Variants in CACNA1B observed in about 807,000 individuals in gnomAD.
CACNA1B encodes calcium voltage-gated channel subunit alpha1 B.
A neutral mutation model predicts 247.2 loss-of-function variants in CACNA1B; 70 were observed. The ratio of observed to expected loss-of-function variants is 0.28; its 90% CI spans 0.23 to 0.35. CACNA1B has a LOEUF of 0.35. Among genes scored for constraint, CACNA1B ranks in the 10% least tolerant of loss-of-function variants. The pLI, the probability that CACNA1B is intolerant of heterozygous loss-of-function variation, is 1.00. For missense variants in CACNA1B, 2,367 were observed against 3,197.4 expected, an observed-to-expected ratio of 0.74 and a Z score of 6.26; for synonymous variants, 1,231 against 1,294.4, an observed-to-expected ratio of 0.95 and a Z score of 1.05.
rs752319067 is a variant in CACNA1B at position 138,052,063 on chromosome 9, T to G, written c.3711-29T>G. The G allele has an allele frequency of 7.5e-7, 1 of 1,338,204 alleles. No homozygotes were observed. 82.9% of individuals were successfully genotyped at this position (1,338,204 alleles called of 1,614,324 possible). ...GCTGGGCACACCCATGCCTCCTGCC[T>G]GTCTGCATCTGTGGCTTCTCCCTTC... is the stretch of plus-strand genomic sequence containing the variant. On this transcript the variant is annotated intron_variant, in intron 24 of 46. Transcript: ENST00000371372. The surrounding 1 kb of genome is among the most constrained non-coding windows in gnomAD (Gnocchi z 5.1).
intron 15 of CACNA1B, among the ~76,000 whole-genome samples, chr9:137,987,385 C>T (rs546013163): frequency 6.6e-5 from 10 of 152,304 alleles, no homozygotes; most frequent in Middle Eastern, 3.4e-3. Context: ...GGTTCCCTTT[C>T]GAGGACTTTC....
chr9:137,967,383 C>T (rs1958092273), intron 10 of CACNA1B, among the ~76,000 whole-genome samples: 1 of 152,216 alleles, frequency 6.6e-6, no homozygotes, highest in Admixed American at 6.5e-5. Context: ...TTGACTGTCG[C>T]CCGTCCCTTC....
rs563349803 is a variant in CACNA1B at position 138,016,482 on chromosome 9, T to C, written c.2267+3247T>C. On this transcript the variant is annotated intron_variant, in intron 18 of 46. Coordinates refer to ENST00000371372, the MANE Select transcript of CACNA1B (RefSeq NM_000718.4). ...TTGATTTGCCCTGGAGGTGTCCTGG[T>C]GGCCCAGAGGCGCCTGGGTTGCAGC... 1.6e-3 allele frequency among the ~76,000 whole-genome samples: 237 copies of C among 152,350 alleles called. 1 individual carries two copies. The highest frequency in any genetic ancestry group is 5.0e-3 in the African/African-American group (206 of 41,584).
intron 37 of CACNA1B, among the ~76,000 whole-genome samples, chr9:138,099,122 T>C (rs1961156528): frequency 6.6e-6 from 1 of 152,140 alleles, no homozygotes; most frequent in Admixed American, 6.5e-5. Flanking sequence ...TGTGTGCACA[T>C]GTGTGGTGCA....
intron 36 of CACNA1B, among the ~76,000 whole-genome samples, chr9:138,081,842 G>C (rs898595445): frequency 3.3e-5 from 5 of 151,114 alleles, no homozygotes; most frequent in Middle Eastern, 3.4e-3. Flanking sequence ...GAATAGACCT[G>C]TAACGAGTAA....
At chr9:137,906,214 T>C (rs1266470621) in intron 3 of CACNA1B, among the ~76,000 whole-genome samples, 2 of 152,216 alleles carry the variant, frequency 1.3e-5, no homozygotes, top group East Asian at 3.8e-4. Flanking sequence ...TTATAGCAAC[T>C]CCTCCTTGTT....
rs1957915386 is a variant in CACNA1B, at chr9:137,954,202, C to T, written c.1071-1496C>T. Among the ~76,000 whole-genome samples the T allele has an allele frequency of 6.6e-6, 1 of 152,216 alleles. No homozygotes were observed. Among genetic ancestry groups the T allele is most frequent in the Non-Finnish European group, 1.5e-5 (1 of 68,034 alleles). Reference sequence around the variant, plus strand: ...CCCCAAGCCAGGGGCTGGCACCCCCCATGTGGGTCCTGCACCCCGGGGTGG... The same window carrying T: ...CCCCAAGCCAGGGGCTGGCACCCCCTATGTGGGTCCTGCACCCCGGGGTGG... On this transcript the variant is annotated intron_variant, in intron 7 of 46. Transcript: ENST00000371372. This position sits in a 1 kb window ranked among gnomAD's most constrained non-coding sequence, Gnocchi z 4.1.
intron 20 of CACNA1B, among the ~76,000 whole-genome samples, chr9:138,041,170 A>T (rs7859352): frequency 6.6e-6 from 1 of 152,012 alleles, no homozygotes. Flanking sequence ...CTGCCAGTCC[A>T]GGCTTACTTT....
chr9:138,077,756 G>A (rs1236887299), intron 35 of CACNA1B, among the ~76,000 whole-genome samples: 1 of 152,204 alleles, frequency 6.6e-6, no homozygotes. Context: ...GTTTTGGTTG[G>A]AGCAGCTGGA....
chr9:137,897,245 C>A (rs1395715749), intron 3 of CACNA1B, among the ~76,000 whole-genome samples: 1 of 152,026 alleles, frequency 6.6e-6, no homozygotes, highest in Non-Finnish European at 1.5e-5. Context: ...CTAGTGATTG[C>A]AGTTTTTGTT....
chr9:138,046,979 C>T lies in CACNA1B; in HGVS notation c.3489C>T (p.Ser1163=), dbSNP rs775085705. 1 of 1,613,598 alleles carries T rather than the reference C, an allele frequency of 6.2e-7. No homozygotes were observed. The highest frequency in any genetic ancestry group is 8.5e-7 in the Non-Finnish European group (1 of 1,179,570). The change falls in exon 22 of 47, where the codon AGC becomes AGT. Residue 1163 remains serine, a synonymous_variant. Transcript: ENST00000371372. ...EVVILVVIAL[S]SIALAAEDPV... ...TCATTCTCGTGGTCATCGCCTTGAG[C>T]AGCATCGCCCTGGCTGCTGAGGACC...
At position 137,914,500 on chromosome 9, in the gene CACNA1B, A is replaced by C. The variant is rs1589002080; in HGVS notation, c.623-154A>C. Among the ~76,000 whole-genome samples the C allele has an allele frequency of 6.6e-6, 1 of 152,216 alleles. No homozygotes were observed. The highest frequency in any genetic ancestry group is 2.1e-4 in the South Asian group (1 of 4,818). Reference sequence around the variant, plus strand: ...GCACTCTCTGCCCCTCTGCGCCTTAAGGGGCTTCAGCTCTATCCTTTGCCC... The same window carrying C: ...GCACTCTCTGCCCCTCTGCGCCTTACGGGGCTTCAGCTCTATCCTTTGCCC... On this transcript the variant is annotated intron_variant, in intron 4 of 46. Transcript: ENST00000371372. This position sits in a 1 kb window ranked among gnomAD's most constrained non-coding sequence, Gnocchi z 4.3.
chr9:137,972,721 G>C (rs1958168189), intron 11 of CACNA1B, among the ~76,000 whole-genome samples: 1 of 152,186 alleles, frequency 6.6e-6, no homozygotes, highest in Non-Finnish European at 1.5e-5. Flanking sequence ...GCTGTGTTGG[G>C]GTGGAACTCT....
rs979137047 is a variant in CACNA1B, at chr9:138,052,455, G to A, written c.3807+267G>A. Among the ~76,000 whole-genome samples, 2 of 152,142 alleles carry A rather than the reference G, an allele frequency of 1.3e-5. No individual in the cohort carries two copies. Among genetic ancestry groups the A allele is most frequent in the African/African-American group, 4.8e-5 (2 of 41,424 alleles). On this transcript the variant is annotated intron_variant, in intron 25 of 46. Coordinates refer to ENST00000371372, the MANE Select transcript of CACNA1B (RefSeq NM_000718.4). This position sits in a 1 kb window ranked among gnomAD's most constrained non-coding sequence, Gnocchi z 5.1. ...CTTCAGCAGCTGCAGTGCAGTGCGG[G>A]AAAGGCTGCCGGGACAGGTGCAGGG...
At chr9:137,934,809 G>A (rs1262826130) in intron 6 of CACNA1B, among the ~76,000 whole-genome samples, 1 of 152,120 alleles carries the variant, frequency 6.6e-6, no homozygotes. Flanking sequence ...CCACCCCATG[G>A]GACAAAAGAA....
At chr9:138,076,576 G>A (rs1230930320) in intron 35 of CACNA1B, among the ~76,000 whole-genome samples, 1 of 152,224 alleles carries the variant, frequency 6.6e-6, no homozygotes, top group Admixed American at 6.5e-5. Context: ...TGGTGGAGAT[G>A]TGCCAGGAGA....
chr9:138,029,362 C>T (rs747479451), intron 20 of CACNA1B, among the ~76,000 whole-genome samples: 15 of 152,186 alleles, frequency 9.9e-5, no homozygotes, highest in Non-Finnish European at 2.1e-4. Context: ...TGTCTGGTCT[C>T]TTTTTGTAGG....
At position 138,059,783 on chromosome 9, in the gene CACNA1B, C is replaced by T. The variant is rs1959657859; in HGVS notation, c.4668+46C>T. On this transcript the variant is annotated intron_variant, in intron 31 of 46. Transcript: ENST00000371372. This position sits in a 1 kb window ranked among gnomAD's most constrained non-coding sequence, Gnocchi z 4.2. ...TCCTTCAGGGTCCCCAGGTGGTTTC[C>T]TTCTAGAGCCTGCTCCCCTCAGTGC... The T allele has an allele frequency of 9.3e-7, 1 of 1,078,756 alleles. No homozygotes were observed. The highest frequency in any genetic ancestry group is 1.4e-6 in the Non-Finnish European group (1 of 693,262). 66.8% of individuals were successfully genotyped at this position (1,078,756 alleles called of 1,614,324 possible). A position where few individuals can be genotyped will look rare whatever the true frequency, so the allele number is the denominator to read the frequency against.
intron 10 of CACNA1B, among the ~76,000 whole-genome samples, chr9:137,962,500 T>C (rs1958031692): frequency 6.6e-6 from 1 of 152,172 alleles, no homozygotes; most frequent in Non-Finnish European, 1.5e-5. Context: ...ACTTGAGATC[T>C]TTCTTTTTGG....
Sources: gnomAD v4.1 joint callset for allele counts (sites outside exome capture counted in the v4.1 genomes callset) on GRCh38, gnomAD v4.1.1 for gene constraint, Gnocchi (gnomAD v3.1) non-coding constraint, MANE v1.5 for transcripts, NCBI Gene and HGNC (gene_info 2026-07-23, HGNC 2026-07-21) for gene names.